LRP1B: variants seen among roughly 807,000 people sequenced by gnomAD.
LRP1B encodes the protein LDL receptor related protein 1B, also known as low-density lipoprotein receptor-related protein 1B.
A neutral mutation model predicts 556.6 loss-of-function variants in LRP1B; 217 were observed. The ratio of observed to expected loss-of-function variants is 0.39; its 90% CI spans 0.35 to 0.44. The LOEUF (loss-of-function observed/expected upper bound fraction) is 0.44, where lower values mean the gene tolerates loss of function less well. LRP1B is among the 20% of genes least tolerant of loss of function. LRP1B has a pLI of 1.00. For missense variants in LRP1B, 5,053 were observed against 5,620.8 expected (o/e 0.90, Z 3.23); for synonymous variants, 2,047 against 1,865.8 (o/e 1.10, Z -2.50).
chr2:140,559,773 C>T (rs1680864710), intron 43 of LRP1B, among the ~76,000 whole-genome samples: 1 of 144,890 alleles, frequency 6.9e-6, no homozygotes. Context: ...AAAAAAAAAC[C>T]AAGTTAACAA....
chr2:141,238,272 T>C (rs1683733671), intron 5 of LRP1B, among the ~76,000 whole-genome samples: 1 of 152,124 alleles, frequency 6.6e-6, no homozygotes, highest in Non-Finnish European at 1.5e-5. Context: ...TACAGAAAAA[T>C]ATTTTCTCTA....
intron 84 of LRP1B, among the ~76,000 whole-genome samples, chr2:140,287,859 T>A (rs1683212508): frequency 6.6e-6 from 1 of 151,740 alleles, no homozygotes; most frequent in Non-Finnish European, 1.5e-5. Context: ...GTCTCTGGCA[T>A]GACGTTACAT....
chr2:141,982,512 T>C (rs1702070852), intron 1 of LRP1B, among the ~76,000 whole-genome samples: 1 of 152,188 alleles, frequency 6.6e-6, no homozygotes, highest in African/African-American at 2.4e-5. Flanking sequence ...CTGTGAAATA[T>C]ATTCATTCTT....
At chr2:140,305,027 G>GT (rs931550827) in intron 83 of LRP1B, among the ~76,000 whole-genome samples, 34 of 152,034 alleles carry the variant, frequency 2.2e-4, no homozygotes. Context: ...CTCTGTTTTG[G>GT]TGCCTGTATC....
At chr2:140,867,441 A>G in intron 27 of LRP1B, 149 bp downstream of exon 27, 2 of 752,220 alleles carry the variant, frequency 2.7e-6, no homozygotes, top group Non-Finnish European at 3.8e-6. Flanking sequence ...AAACCAGTTA[A>G]AATAAAGGTT....
chr2:140,252,469 A>C (rs1681482320), intron 86 of LRP1B, among the ~76,000 whole-genome samples: 1 of 152,032 alleles, frequency 6.6e-6, no homozygotes. Context: ...ACATGTTCAA[A>C]TAATCTGCCC....
chr2:142,093,078 T>C (rs987546433), intron 1 of LRP1B, among the ~76,000 whole-genome samples: 30 of 152,108 alleles, frequency 2.0e-4, no homozygotes, highest in African/African-American at 6.8e-4. Flanking sequence ...ACTTTCACAT[T>C]CTATAAGGCA....
At chr2:141,290,551 C>T (rs1195045217) in intron 3 of LRP1B, among the ~76,000 whole-genome samples, 1 of 152,084 alleles carries the variant, frequency 6.6e-6, no homozygotes. Context: ...AAGTTAAATA[C>T]AAGTCTGAGG....
intron 2 of LRP1B, among the ~76,000 whole-genome samples, chr2:141,762,215 T>A (rs10165118): frequency 0.68 from 103,982 of 151,808 alleles, 35,728 homozygotes; most frequent in Admixed American, 0.72. Context: ...AGCCTTTCAA[T>A]TCCAATAAAT....
At chr2:141,291,842 C>A (rs555754115) in intron 3 of LRP1B, among the ~76,000 whole-genome samples, 1 of 112,268 alleles carries the variant, frequency 8.9e-6, no homozygotes, top group South Asian at 2.9e-4. Flanking sequence ...GGCGAAAGAG[C>A]GAGACTCTGT....
intron 3 of LRP1B, among the ~76,000 whole-genome samples, chr2:141,324,965 T>C (rs992767816): frequency 5.9e-5 from 9 of 152,074 alleles, no homozygotes; most frequent in African/African-American, 1.9e-4. Flanking sequence ...TGTTTCTCCT[T>C]TTCCAATGAA....
At chr2:141,544,451 C>T (rs2105218895) in intron 2 of LRP1B, among the ~76,000 whole-genome samples, 1 of 143,864 alleles carries the variant, frequency 7.0e-6, no homozygotes, top group East Asian at 2.1e-4. Flanking sequence ...TCTCCTCCTC[C>T]TTCTTTTTTT....
chr2:141,096,627 GGGGAGAGA>G (rs1404101036), intron 7 of LRP1B, among the ~76,000 whole-genome samples: 2,973 of 50,470 alleles, frequency 0.059, 147 homozygotes, highest in Non-Finnish European at 0.069. Context: ...ACGGGGAGAG[GGGGAGAGA>G]GAGAGAGAGA....
chr2:140,488,189 C>T (rs974846904), intron 57 of LRP1B, among the ~76,000 whole-genome samples: 1 of 151,980 alleles, frequency 6.6e-6, no homozygotes, highest in South Asian at 2.1e-4. Context: ...GGACAGCCAA[C>T]TGATGAGTCA....
Position 140,387,250 on chromosome 2 carries a change from C to T in LRP1B, c.10415-1241G>A, listed in dbSNP as rs116743338. Among the ~76,000 whole-genome samples the T allele has an allele frequency of 6.7e-3, 1,023 of 152,066 alleles. 7 individuals carry two copies. The highest frequency in any genetic ancestry group is 0.011 in the Non-Finnish European group (764 of 67,952). On this transcript the variant is annotated intron_variant, in intron 66 of 90. Transcript: ENST00000389484. ...TTGGTGGTGGTTTTGTGCTTTACTT[C>T]GAAATGCAACTTACAGAATTCAGAC...
At chr2:140,292,905 T>C (rs1192362021) in intron 84 of LRP1B, among the ~76,000 whole-genome samples, 1 of 152,114 alleles carries the variant, frequency 6.6e-6, no homozygotes, top group Non-Finnish European at 1.5e-5. Flanking sequence ...TGCATAATTG[T>C]TTTATACGTT....
At chr2:141,482,467 T>C (rs573005050) in intron 2 of LRP1B, among the ~76,000 whole-genome samples, 4 of 152,068 alleles carry the variant, frequency 2.6e-5, no homozygotes, top group Non-Finnish European at 4.4e-5. Flanking sequence ...AACTTGAGTA[T>C]CAATATTTCT....
Position 140,358,130 on chromosome 2 carries a change from C to CA in LRP1B, c.11258-15dup, listed in dbSNP as rs750358440. On this transcript the variant is annotated splice_polypyrimidine_tract_variant and intron_variant, in intron 73 of 90. Transcript: ENST00000389484. ...ATGTCAGCTTACCTATAGAGTCATA[C>CA]AAAAAATGATTAGTGCTTCACAGAA... is the stretch of plus-strand genomic sequence containing the variant. The CA allele has an allele frequency of 1.2e-6, 2 of 1,605,542 alleles. No homozygotes were observed. The highest frequency in any genetic ancestry group is 1.3e-5 in the African/African-American group (1 of 74,462).
chr2:141,222,265 A>T (rs1170959279), intron 6 of LRP1B, among the ~76,000 whole-genome samples: 1 of 152,220 alleles, frequency 6.6e-6, no homozygotes, highest in East Asian at 1.9e-4. Context: ...CAACACCTCT[A>T]TGCAATAAAC....
Sources: allele counts gnomAD v4.1 joint callset (sites outside exome capture counted in the v4.1 genomes callset), GRCh38; gene constraint gnomAD v4.1.1; transcripts MANE v1.5; gene names NCBI Gene and HGNC (gene_info 2026-07-23, HGNC 2026-07-21).